Variants in KRT28 observed in about 807,000 individuals in gnomAD.
KRT28 encodes the protein keratin 28, also known as keratin, type I cytoskeletal 28.
KRT28 carries 45 observed loss-of-function variants against 48.1 expected under a neutral mutation model. The observed-to-expected ratio is 0.94, with a 90% CI of 0.74 to 1.20. The LOEUF (loss-of-function observed/expected upper bound fraction) is 1.20, where lower values mean the gene tolerates loss of function less well. KRT28 is among the 50% of genes most tolerant of loss of function. KRT28 has a pLI of 0.00. For synonymous variants in KRT28, 228 were observed against 227.4 expected (o/e 1.00, Z -0.03); for missense variants, 571 against 574.1 (o/e 0.99, Z 0.06).
chr17:40,799,831 G>C lies in KRT28; in HGVS notation c.63C>G (p.Val21=). The C allele has an allele frequency of 6.2e-7, 1 of 1,614,048 alleles. No homozygotes were observed. The highest frequency in any genetic ancestry group is 1.1e-5 in the South Asian group (1 of 91,080). The change falls in exon 1 of 8, where the codon GTC becomes GTG. Residue 21 remains valine, a synonymous_variant. Coordinates refer to ENST00000306658, the MANE Select transcript of KRT28 (RefSeq NM_181535.3). ...AGCCTGCACCTCCATTGAGGGGTCTGACAGATCCAGCTCCAGACCTTAAGC... is the reference window on the plus strand; with the variant it reads ...AGCCTGCACCTCCATTGAGGGGTCTCACAGATCCAGCTCCAGACCTTAAGC... ...HVCLRSGAGS[V]RPLNGGAGFA...
rs1904681758 is a variant in KRT28, at chr17:40,798,862, C to T, written c.533+55G>A. 6 of 1,137,720 alleles carry T rather than the reference C, an allele frequency of 5.3e-6. No individual in the cohort carries two copies. In the South Asian group the frequency reaches 8.2e-5, roughly 16 times the overall value. The allele number at this position is 1,137,720 out of a possible 1,614,324, so 70.5% of individuals were successfully genotyped here. A position where few individuals can be genotyped will look rare whatever the true frequency, so the allele number is the denominator to read the frequency against. On this transcript the variant is annotated intron_variant, in intron 2 of 7. Coordinates refer to ENST00000306658, the MANE Select transcript of KRT28 (RefSeq NM_181535.3). ...GGGATGAAATAGAAATTTTATTTAA[C>T]AAATTAAATAAATAGAAACTTTTTT...
intron 5 of KRT28, among the ~76,000 whole-genome samples, chr17:40,795,288 C>T (rs773191014): frequency 1.1e-4 from 17 of 152,226 alleles, no homozygotes; most frequent in Middle Eastern, 3.4e-3. Context: ...GCCAGTGAGG[C>T]GTGTGCTCGG....
chr17:40,798,713 G>A (rs894812549), intron 2 of KRT28, among the ~76,000 whole-genome samples: 1 of 152,100 alleles, frequency 6.6e-6, no homozygotes, highest in African/African-American at 2.4e-5. Context: ...AGTATTCTAG[G>A]CAGGCAGAGA....
chr17:40,797,398 C>G, intron 3 of KRT28, 117 bp from the exon 4 acceptor site: 3 of 956,572 alleles, frequency 3.1e-6, no homozygotes, highest in Non-Finnish European at 4.7e-6. Flanking sequence ...TAATTTATGG[C>G]ACACAATTTT....
rs765076729 is a variant in KRT28 at position 40,796,916 on chromosome 17, C to T, written c.978G>A (p.Thr326=). Reference sequence around the variant, plus strand: ...CAGGCTGACCTTCGCTGTCACCTACCGTGGCCATCAGGGACTGCAGCTGGA... The same window carrying T: ...CAGGCTGACCTTCGCTGTCACCTACTGTGGCCATCAGGGACTGCAGCTGGA... ...LEIQLQSLMA[T]KHSLECSLTE... Residue 326 remains threonine, a splice_region_variant and synonymous_variant, in exon 5 of 8, where the codon ACG becomes ACA. Coordinates refer to ENST00000306658, the MANE Select transcript of KRT28 (RefSeq NM_181535.3). The T allele has an allele frequency of 4.4e-6, 7 of 1,597,148 alleles. No individual in the cohort carries two copies. The South Asian group carries it at 6.7e-5, about 15-fold the overall frequency.
In KRT28 at chr17:40,796,904, G is replaced by A; in HGVS notation, c.978+12C>T. 1 of 1,577,298 alleles carries A rather than the reference G, an allele frequency of 6.3e-7. No homozygotes were observed. Among genetic ancestry groups the A allele is most frequent in the Middle Eastern group, 1.7e-4 (1 of 5,760 alleles). On this transcript the variant is annotated intron_variant, in intron 5 of 7. Coordinates refer to ENST00000306658, the MANE Select transcript of KRT28 (RefSeq NM_181535.3). ...AATCACAGGATCCAGGCTGACCTTC[G>A]CTGTCACCTACCGTGGCCATCAGGG... is the stretch of plus-strand genomic sequence containing the variant.
chr17:40,799,771 A>C lies in KRT28; in HGVS notation c.123T>G (p.Ala41=). 6.2e-7 allele frequency: 1 copy of C among 1,614,106 alleles called. No homozygotes were observed. The highest frequency in any genetic ancestry group is 8.5e-7 in the Non-Finnish European group (1 of 1,180,016). The change falls in exon 1 of 8, where the codon GCT becomes GCG. Residue 41 remains alanine (A), a synonymous_variant. Coordinates refer to ENST00000306658, the MANE Select transcript of KRT28 (RefSeq NM_181535.3). The part of the protein sequence containing the change: ...AGSSACGGSV[A]GSEFSCALGG... ...CCAAGGCACAGGAAAATTCACTTCC[A>C]GCAACAGAGCCACCACATGCACTGC...
intron 5 of KRT28, among the ~76,000 whole-genome samples, chr17:40,794,401 T>C (rs1362377698): frequency 6.6e-6 from 1 of 152,242 alleles, no homozygotes; most frequent in Non-Finnish European, 1.5e-5. Flanking sequence ...TTTGAAATTA[T>C]ATATTTATTT....
chr17:40,796,717 C>T (rs1055167274), intron 5 of KRT28, among the ~76,000 whole-genome samples, 199 bp downstream of exon 5: 3 of 152,188 alleles, frequency 2.0e-5, no homozygotes, highest in African/African-American at 4.8e-5. Flanking sequence ...AGGAAGGAAA[C>T]TCCCAGTGAT....
At chr17:40,793,275 G>A in intron 6 of KRT28, 65 bp from the exon 7 acceptor site, 1 of 1,044,868 alleles carries the variant, frequency 9.6e-7, no homozygotes, top group Non-Finnish European at 1.3e-6. Flanking sequence ...AATATTCATT[G>A]ACTCAATGAA....
Position 40,793,820 on chromosome 17 carries a change from TTTAC to T in KRT28, c.1196+5_1196+8del. ...GGTAAAAACTGGATTTTCAAATGGC[TTTAC>T]TTACTTTCCATCTCCATCTATCAGG... On this transcript the variant is annotated splice_donor_5th_base_variant and intron_variant, in intron 6 of 7. Transcript: ENST00000306658. 6.2e-7 allele frequency: 1 copy of T among 1,613,846 alleles called. No individual in the cohort carries two copies. The highest frequency in any genetic ancestry group is 8.5e-7 in the Non-Finnish European group (1 of 1,179,722).
rs765166901 is a variant in KRT28 at position 40,797,224 on chromosome 17, C to T, written c.748G>A (p.Ala250Thr). Reference protein sequence around the residue: ...GGNVNVEMNAAPGVDLAVLLN... With the variant: ...GGNVNVEMNATPGVDLAVLLN... ...AAAACCGCGAGGTCTACCCCCGGGG[C>T]CGCGTTCATCTCCACGTTCACGTTG... The change falls in exon 4 of 8, where the codon GCC becomes ACC. Residue 250 changes from alanine to threonine, a missense_variant. Physicochemically the swap from Ala to Thr is moderately conservative, Grantham distance 58 (BLOSUM62 0). Transcript: ENST00000306658. 3.1e-6 allele frequency: 5 copies of T among 1,614,168 alleles called. No individual in the cohort carries two copies. Among genetic ancestry groups the T allele is most frequent in the South Asian group, 1.1e-5 (1 of 91,078 alleles).
chr17:40,793,632 T>G (rs1000240254), intron 6 of KRT28, among the ~76,000 whole-genome samples, 197 bp downstream of exon 6: 1 of 152,048 alleles, frequency 6.6e-6, no homozygotes, highest in Non-Finnish European at 1.5e-5. Flanking sequence ...ACATTTCCAG[T>G]CATCTAATGC....
rs141523431 is a variant in KRT28 at position 40,796,918 on chromosome 17, T to A, written c.976A>T (p.Thr326Ser). Residue 326 changes from threonine (T) to serine (S), a missense_variant and splice_region_variant, in exon 5 of 8, where the codon ACG (threonine) becomes TCG (serine). Physicochemically the swap from Thr to Ser is moderately conservative, Grantham distance 58. Coordinates refer to ENST00000306658, the MANE Select transcript of KRT28 (RefSeq NM_181535.3). ...GGCTGACCTTCGCTGTCACCTACCG[T>A]GGCCATCAGGGACTGCAGCTGGATC... ...LEIQLQSLMA[T>S]KHSLECSLTE... 1 of 1,598,522 alleles carries A rather than the reference T, an allele frequency of 6.3e-7. No individual in the cohort carries two copies. Among genetic ancestry groups the A allele is most frequent in the East Asian group, 2.2e-5 (1 of 44,754 alleles).
intron 5 of KRT28, among the ~76,000 whole-genome samples, 182 bp from the exon 6 acceptor site, chr17:40,794,228 C>T (rs577163941): frequency 7.2e-5 from 11 of 152,266 alleles, no homozygotes; most frequent in South Asian, 4.2e-4. Context: ...GCATGATGGA[C>T]GTGGGATCCT....
chr17:40,799,369 T>G, intron 1 of KRT28, 75 bp downstream of exon 1: 1 of 1,169,074 alleles, frequency 8.6e-7, no homozygotes. Flanking sequence ...ATGAAGCATT[T>G]CTTATTGTAT....
At position 40,793,155 on chromosome 17, in the gene KRT28, C is replaced by G; in HGVS notation, c.1252G>C (p.Asp418His). 6.5e-7 allele frequency: 1 copy of G among 1,549,826 alleles called. No homozygotes were observed. Among genetic ancestry groups the G allele is most frequent in the Non-Finnish European group, 8.7e-7 (1 of 1,144,522 alleles). ...AAGAAATAGAACTAGATTTTATTACCTTTAGATGAATTCCCAGGGCTTCCT... is the reference window on the plus strand; with the variant it reads ...AAGAAATAGAACTAGATTTTATTACGTTTAGATGAATTCCCAGGGCTTCCT... The part of the protein sequence containing the change: ...GSGSPGNSSK[D>H]LSKTTLVKTV... Residue 418 changes from aspartate to histidine, a missense_variant and splice_region_variant, in exon 7 of 8, where the codon GAT becomes CAT. Physicochemically the swap from Asp to His is moderately conservative, Grantham distance 81. Coordinates refer to ENST00000306658, the MANE Select transcript of KRT28 (RefSeq NM_181535.3).
At chr17:40,796,242 C>G (rs143878665) in intron 5 of KRT28, among the ~76,000 whole-genome samples, 29 of 152,276 alleles carry the variant, frequency 1.9e-4, no homozygotes, top group African/African-American at 7.0e-4. Context: ...CAAAGTCAAG[C>G]CTTTTGGGCA....
In KRT28 at chr17:40,797,012, G is replaced by A. The variant is rs370889264; in HGVS notation, c.882C>T (p.His294=). The A allele has an allele frequency of 8.1e-6, 13 of 1,612,768 alleles. No individual in the cohort carries two copies. The highest frequency in any genetic ancestry group is 5.3e-5 in the African/African-American group (4 of 74,870). Reference sequence around the variant, plus strand: ...GGGCGAAAGTGGCTGCGCCTGAGTCGTGGGAGATCTGTTGCTGCAGCGAGG... The same window carrying A: ...GGGCGAAAGTGGCTGCGCCTGAGTCATGGGAGATCTGTTGCTGCAGCGAGG... ...KSASLQQQIS[H]DSGAATFARS... Residue 294 remains histidine (H), a synonymous_variant, in exon 5 of 8, where the codon CAC becomes CAT. Transcript: ENST00000306658.
Sources: gnomAD v4.1 joint callset for allele counts (sites outside exome capture counted in the v4.1 genomes callset) on GRCh38, gnomAD v4.1.1 for gene constraint, MANE v1.5 for transcripts, NCBI Gene and HGNC (gene_info 2026-07-23, HGNC 2026-07-21) for gene names.